The following AKR1C3 variants were observed in gnomAD, a reference collection of about 807,000 sequenced individuals.
The protein encoded by AKR1C3 is aldo-keto reductase family 1 member C3, also known as 3-alpha hydroxysteroid dehydrogenase, type II.
In AKR1C3, 48 loss-of-function variants were observed where a neutral mutation model predicts 43.6. That is an observed-to-expected ratio of 1.10 (90% CI 0.87 to 1.40). The LOEUF (loss-of-function observed/expected upper bound fraction) is 1.40. Ranked by LOEUF, AKR1C3 falls within the 40% of genes most tolerant of loss-of-function variation. The pLI, the probability that AKR1C3 is intolerant of heterozygous loss-of-function variation, is 0.00. For missense variants in AKR1C3, 482 were observed against 391.2 expected, an observed-to-expected ratio of 1.23 and a Z score of -1.96; for synonymous variants, 162 against 139.6, an observed-to-expected ratio of 1.16 and a Z score of -1.13.
intron 1 of AKR1C3, among the ~76,000 whole-genome samples, chr10:5,089,084 C>T (rs577917870): frequency 2.6e-5 from 4 of 152,072 alleles, no homozygotes; most frequent in Admixed American, 6.6e-5. Context: ...CAATATCTTC[C>T]GACTTTTAGG....
At chr10:5,073,387 G>T (rs1327153917) in intron 1 of AKR1C3, among the ~76,000 whole-genome samples, 1 of 152,114 alleles carries the variant, frequency 6.6e-6, no homozygotes, top group African/African-American at 2.4e-5. Flanking sequence ...CTTGACAGTT[G>T]TCCCAAATTA....
intron 1 of AKR1C3, among the ~76,000 whole-genome samples, chr10:5,058,899 C>T (rs1554779929): frequency 1.3e-5 from 2 of 152,126 alleles, no homozygotes; most frequent in Non-Finnish European, 2.9e-5. Flanking sequence ...CCGTTAGAGT[C>T]CTAAGCATTC....
intron 1 of AKR1C3, among the ~76,000 whole-genome samples, chr10:5,079,913 A>G (rs1389962683): frequency 4.6e-5 from 7 of 152,220 alleles, no homozygotes; most frequent in Non-Finnish European, 7.3e-5. Flanking sequence ...CAGAAGGGCG[A>G]GGAAAGAAAA....
intron 1 of AKR1C3, among the ~76,000 whole-genome samples, chr10:5,068,941 A>G (rs1198836222): frequency 6.6e-6 from 1 of 152,238 alleles, no homozygotes; most frequent in Non-Finnish European, 1.5e-5. Flanking sequence ...TTTGAACATA[A>G]CTTAGACCAC....
rs570392540 is a variant in AKR1C3 at position 5,056,339 on chromosome 10, G to A, written c.84+7444G>A. Among the ~76,000 whole-genome samples the A allele has an allele frequency of 3.7e-4, 57 of 152,260 alleles. 1 individual carries two copies. In the South Asian group the frequency reaches 6.8e-3, roughly 18 times the overall value. Reference sequence around the variant, plus strand: ...ATCCTTGAGGTCCAGAACCATGAACGATTCTGCTTCCTCTAGTATTTGAGA... The same window carrying A: ...ATCCTTGAGGTCCAGAACCATGAACAATTCTGCTTCCTCTAGTATTTGAGA... On this transcript the variant is annotated intron_variant, in intron 1 of 8. Transcript: ENST00000439082.
At chr10:5,084,053 C>A (rs1588346325) in intron 1 of AKR1C3, among the ~76,000 whole-genome samples, 1 of 152,170 alleles carries the variant, frequency 6.6e-6, no homozygotes, top group East Asian at 1.9e-4. Context: ...ATGGTAATTT[C>A]TTTTGCTATC....
At chr10:5,060,099 G>A (rs557142403) in intron 1 of AKR1C3, among the ~76,000 whole-genome samples, 16 of 152,226 alleles carry the variant, frequency 1.1e-4, no homozygotes, top group African/African-American at 2.2e-4. Flanking sequence ...TGGTGGGTTC[G>A]TGGTCTTGCT....
intron 1 of AKR1C3, among the ~76,000 whole-genome samples, chr10:5,083,369 T>G (rs1554782612): frequency 6.6e-6 from 1 of 152,134 alleles, no homozygotes; most frequent in East Asian, 1.9e-4. Flanking sequence ...AGAATGATGG[T>G]TTCCAGTTTC....
At chr10:5,084,123 T>C (rs1300413568) in intron 1 of AKR1C3, among the ~76,000 whole-genome samples, 4 of 152,214 alleles carry the variant, frequency 2.6e-5, no homozygotes, top group Non-Finnish European at 4.4e-5. Context: ...TGCCATTGCT[T>C]TTGGTGTTTT....
intron 1 of AKR1C3, among the ~76,000 whole-genome samples, chr10:5,082,640 G>C (rs1323180075): frequency 1.3e-5 from 2 of 152,126 alleles, no homozygotes; most frequent in Non-Finnish European, 2.9e-5. Context: ...TCCCTGGAAT[G>C]AAATCCATTT....
chr10:5,086,585 A>G (rs1432450847), intron 1 of AKR1C3, among the ~76,000 whole-genome samples: 1 of 150,910 alleles, frequency 6.6e-6, no homozygotes, highest in Non-Finnish European at 1.5e-5. Context: ...GTAGGTGTCT[A>G]TTAGGTCCGC....
At chr10:5,091,062 T>C (rs1839076568), upstream of AKR1C3, among the ~76,000 whole-genome samples, 1 of 151,826 alleles carries the variant, frequency 6.6e-6, no homozygotes, top group Non-Finnish European at 1.5e-5. Flanking sequence ...ATACAGAGTG[T>C]AGAACATGTT....
At chr10:5,085,181 T>G (rs1371192407) in intron 1 of AKR1C3, among the ~76,000 whole-genome samples, 5 of 152,096 alleles carry the variant, frequency 3.3e-5, no homozygotes, top group African/African-American at 1.2e-4. Flanking sequence ...CTTCCAGTTT[T>G]TGCCCATTCA....
At chr10:5,092,827 C>G (rs1439385492), upstream of AKR1C3, among the ~76,000 whole-genome samples, 1 of 151,884 alleles carries the variant, frequency 6.6e-6, no homozygotes, top group Admixed American at 6.6e-5. Context: ...AACTCGTTTT[C>G]TTTCTTATAA....
intron 1 of AKR1C3, among the ~76,000 whole-genome samples, chr10:5,060,182 C>A (rs562016163): frequency 6.6e-6 from 1 of 152,254 alleles, no homozygotes; most frequent in East Asian, 1.9e-4. Flanking sequence ...AAAGAGTGAG[C>A]AGTAGCAAGA....
intron 4 of AKR1C3, 109 bp from the exon 5 acceptor site, chr10:5,099,218 A>G (rs1290781988): frequency 2.6e-6 from 4 of 1,547,124 alleles, no homozygotes; most frequent in African/African-American, 1.4e-5. Flanking sequence ...ACTGCTAGCT[A>G]TTTTCATTGT....
At chr10:5,069,030 A>G (rs1032859720) in intron 1 of AKR1C3, among the ~76,000 whole-genome samples, 10 of 152,268 alleles carry the variant, frequency 6.6e-5, no homozygotes, top group African/African-American at 1.9e-4. Context: ...CTCAAGTCAC[A>G]TGAACTAAAT....
intron 8 of AKR1C3, among the ~76,000 whole-genome samples, 194 bp from the exon 9 acceptor site, chr10:5,107,265 AGG>A (rs1839530001): frequency 6.6e-6 from 1 of 152,190 alleles, no homozygotes; most frequent in African/African-American, 2.4e-5. Context: ...CTTCCAGATA[AGG>A]GAATATGATT....
At chr10:5,105,427 ATTTTTCGTGAG>A (rs1554787007) in intron 7 of AKR1C3, 157 bp from the exon 8 acceptor site, 2 of 522,854 alleles carry the variant, frequency 3.8e-6, no homozygotes, top group Non-Finnish European at 6.9e-6. Flanking sequence ...ATTTCTGCTT[ATTTTTCGTGAG>A]CTATTCATTG....
Sources: allele counts gnomAD v4.1 joint callset (sites outside exome capture counted in the v4.1 genomes callset), GRCh38; gene constraint gnomAD v4.1.1; transcripts MANE v1.5; gene names NCBI Gene and HGNC (gene_info 2026-07-23, HGNC 2026-07-21).